SLC9D1: variants seen among roughly 807,000 people sequenced by gnomAD.
SLC9D1 encodes solute carrier family 9 member D1.
the SLC9D1 span, among the ~76,000 whole-genome samples, chr13:113,513,883 C>G: frequency 6.6e-6 from 1 of 152,200 alleles, no homozygotes; most frequent in African/African-American, 2.4e-5. Context: ...GGTGAGGAGT[C>G]CCCCGCCAGC....
the SLC9D1 span, among the ~76,000 whole-genome samples, chr13:113,531,886 C>T: frequency 6.6e-6 from 1 of 152,214 alleles, no homozygotes; most frequent in East Asian, 1.9e-4. Context: ...GGGAATTAGA[C>T]CTAAATCCAA....
chr13:113,504,199 A>G, the SLC9D1 span: 10 of 152,398 alleles, frequency 6.6e-5, no homozygotes, highest in African/African-American at 2.4e-4. Flanking sequence ...GAGAATCACA[A>G]CTGTACACCC....
At chr13:113,536,479 G>C in the SLC9D1 span, 1 of 692,716 alleles carries the variant, frequency 1.4e-6, no homozygotes, top group South Asian at 6.5e-5. Flanking sequence ...TATTTCAAGA[G>C]TGTGACTTAT....
At chr13:113,496,101 C>A in the SLC9D1 span, 2 of 1,037,222 alleles carry the variant, frequency 1.9e-6, no homozygotes, top group South Asian at 1.6e-5. Flanking sequence ...TGCGTGCCCA[C>A]ATCCTCATCC....
At chr13:113,519,797 C>G in the SLC9D1 span, among the ~76,000 whole-genome samples, 2 of 152,154 alleles carry the variant, frequency 1.3e-5, no homozygotes, top group African/African-American at 2.4e-5. Context: ...CGTGTGGTGG[C>G]TTGGGTGCGT....
chr13:113,503,608 G>C, the SLC9D1 span: 7 of 1,532,348 alleles, frequency 4.6e-6, no homozygotes, highest in African/African-American at 6.8e-5. Context: ...TCATCAACCT[G>C]TTACTGCAGC....
chr13:113,530,606 A>C, the SLC9D1 span: 1 of 152,174 alleles, frequency 6.6e-6, no homozygotes, highest in African/African-American at 2.4e-5. Context: ...CAAAGAAATA[A>C]AATTAGTTGC....
the SLC9D1 span, among the ~76,000 whole-genome samples, chr13:113,517,471 G>T: frequency 6.6e-6 from 1 of 151,996 alleles, no homozygotes; most frequent in Non-Finnish European, 1.5e-5. Flanking sequence ...CTCGTGATCC[G>T]CCCGCCTTGG....
chr13:113,494,979 G>C, the SLC9D1 span, among the ~76,000 whole-genome samples: 1 of 152,160 alleles, frequency 6.6e-6, no homozygotes, highest in Non-Finnish European at 1.5e-5. Context: ...CGCCTCCCGG[G>C]TTCTAGCGAT....
the SLC9D1 span, chr13:113,527,516 T>A: frequency 6.6e-6 from 1 of 152,216 alleles, no homozygotes; most frequent in Non-Finnish European, 1.5e-5. Context: ...GGCTTCTGTG[T>A]TCCAGCTATG....
chr13:113,491,078 CCCTCCCGGACTCCCGG>C, the SLC9D1 span: 3 of 152,336 alleles, frequency 2.0e-5, no homozygotes, highest in Admixed American at 1.3e-4. Flanking sequence ...GGCGGCCGCT[CCCTCCCGGACTCCCGG>C]CCTCCCGGCC....
chr13:113,505,931 A>G, the SLC9D1 span: 3 of 151,928 alleles, frequency 2.0e-5, no homozygotes, highest in African/African-American at 7.3e-5. Flanking sequence ...TCCTGTGTAC[A>G]CTCCTGAAGA....
the SLC9D1 span, among the ~76,000 whole-genome samples, chr13:113,547,960 T>C: frequency 2.0e-5 from 3 of 148,996 alleles, no homozygotes; most frequent in African/African-American, 7.4e-5. Context: ...CACACATCTC[T>C]CTGTATTAAA....
chr13:113,531,048 A>C, the SLC9D1 span, among the ~76,000 whole-genome samples: 1 of 152,174 alleles, frequency 6.6e-6, no homozygotes, highest in African/African-American at 2.4e-5. Flanking sequence ...GGCCCACCAG[A>C]CAGCACCTGT....
At chr13:113,538,164 G>A in the SLC9D1 span, among the ~76,000 whole-genome samples, 1 of 148,348 alleles carries the variant, frequency 6.7e-6, no homozygotes, top group East Asian at 1.9e-4. Context: ...ATGCATGAAT[G>A]TGTACTTTAT....
chr13:113,501,732 T>C, the SLC9D1 span: 1 of 1,601,172 alleles, frequency 6.2e-7, no homozygotes, highest in East Asian at 2.2e-5. Context: ...CTTCTGTTTC[T>C]TATTTATTTT....
At chr13:113,523,533 A>G in the SLC9D1 span, among the ~76,000 whole-genome samples, 2 of 152,184 alleles carry the variant, frequency 1.3e-5, no homozygotes, top group Non-Finnish European at 2.9e-5. Flanking sequence ...GATAACTTGC[A>G]TCATCTTTGT....
At chr13:113,519,347 C>CTT in the SLC9D1 span, among the ~76,000 whole-genome samples, 107 of 136,028 alleles carry the variant, frequency 7.9e-4, 2 homozygotes, top group African/African-American at 2.0e-3. Context: ...CGCCCAGCCG[C>CTT]TTTTTTTTTT....
chr13:113,513,662 A>T, the SLC9D1 span, among the ~76,000 whole-genome samples: 1 of 152,226 alleles, frequency 6.6e-6, no homozygotes, highest in African/African-American at 2.4e-5. Flanking sequence ...GAGAGCTGTG[A>T]CCTTTGAGGA....
Sources: allele counts gnomAD v4.1 joint callset (sites outside exome capture counted in the v4.1 genomes callset), GRCh38; gene constraint gnomAD v4.1.1; transcripts MANE v1.5; gene names NCBI Gene and HGNC (gene_info 2026-07-23, HGNC 2026-07-21).